Variants in RIMS1 observed in about 807,000 individuals in gnomAD.
RIMS1 encodes regulating synaptic membrane exocytosis 1, also known as regulating synaptic membrane exocytosis protein 1.
Under a neutral mutation model 214.1 loss-of-function variants are expected in RIMS1, and 83 were observed. That is an observed-to-expected ratio of 0.39 (90% confidence interval 0.32 to 0.47). The LOEUF is 0.47. Among genes scored for constraint, RIMS1 ranks in the 20% least tolerant of loss-of-function variants. The pLI is 0.99. For missense variants in RIMS1, 2,050 were observed against 2,161.8 expected, an observed-to-expected ratio of 0.95 and a Z score of 1.03; for synonymous variants, 793 against 786.8, an observed-to-expected ratio of 1.01 and a Z score of -0.13.
At chr6:72,307,218 T>C (rs1353814406) in intron 26 of RIMS1, 40 bp from the exon 27 acceptor site, 9 of 1,327,284 alleles carry the variant, frequency 6.8e-6, no homozygotes, top group Non-Finnish European at 9.6e-6. Flanking sequence ...TGAAAGGTTC[T>C]TCACATGTTT....
chr6:71,979,486 A>G (rs1797972612), intron 2 of RIMS1, among the ~76,000 whole-genome samples: 1 of 152,124 alleles, frequency 6.6e-6, no homozygotes, highest in Non-Finnish European at 1.5e-5. Flanking sequence ...TGTGTATTCC[A>G]TAAAGTAGTA....
chr6:72,142,324 A>G (rs1587959918), intron 4 of RIMS1, among the ~76,000 whole-genome samples: 1 of 151,974 alleles, frequency 6.6e-6, no homozygotes, highest in Non-Finnish European at 1.5e-5. Flanking sequence ...TTAAATGAAA[A>G]CACATTATTT....
chr6:72,033,973 A>C (rs1327406512), intron 2 of RIMS1, among the ~76,000 whole-genome samples: 1 of 152,138 alleles, frequency 6.6e-6, no homozygotes, highest in South Asian at 2.1e-4. Context: ...TTTCTATATA[A>C]GTGATAATTT....
At chr6:72,299,155 A>G (rs1041603307) in intron 26 of RIMS1, among the ~76,000 whole-genome samples, 2 of 151,934 alleles carry the variant, frequency 1.3e-5, no homozygotes, top group African/African-American at 4.8e-5. Flanking sequence ...TCAAAACTGA[A>G]CCAGAAATTA....
At chr6:72,386,075 A>G (rs1355534123) in intron 29 of RIMS1, among the ~76,000 whole-genome samples, 1 of 152,166 alleles carries the variant, frequency 6.6e-6, no homozygotes, top group Non-Finnish European at 1.5e-5. Context: ...AGCCCCTCAA[A>G]TGATATTTTT....
At chr6:72,023,664 A>C (rs1016325852) in intron 2 of RIMS1, among the ~76,000 whole-genome samples, 1 of 152,066 alleles carries the variant, frequency 6.6e-6, no homozygotes, top group African/African-American at 2.4e-5. Context: ...TTTGTAGCTA[A>C]GTCAAGAATT....
intron 6 of RIMS1, among the ~76,000 whole-genome samples, chr6:72,218,490 A>C (rs1466898475): frequency 1.3e-5 from 2 of 152,246 alleles, no homozygotes; most frequent in African/African-American, 4.8e-5. Context: ...ACTGGCAAAA[A>C]TATGAATCAG....
chr6:72,089,415 G>A (rs964607483), intron 2 of RIMS1, among the ~76,000 whole-genome samples: 1 of 151,948 alleles, frequency 6.6e-6, no homozygotes, highest in African/African-American at 2.4e-5. Flanking sequence ...TGATTTCTGC[G>A]GCTTCCTGAT....
chr6:72,401,626 C>T lies in RIMS1; in HGVS notation c.*912C>T, dbSNP rs2098835858. The T allele has an allele frequency of 6.6e-6, 1 of 152,586 alleles. No individual in the cohort carries two copies. The highest frequency in any genetic ancestry group is 1.5e-5 in the Non-Finnish European group (1 of 68,032). 9.5% of individuals were successfully genotyped at this position (152,586 alleles called of 1,614,324 possible). A position where few individuals can be genotyped will look rare whatever the true frequency, so the allele number is the denominator to read the frequency against. The stretch of plus-strand genomic sequence containing the variant: ...TACTTTGAAAACACTCCTTGTAATG[C>T]CTTTTTCTTCCTGATATTAAAAAAA... On this transcript the variant is annotated 3_prime_UTR_variant, in exon 34 of 34. Coordinates refer to ENST00000521978, the MANE Select transcript of RIMS1 (RefSeq NM_014989.7).
intron 16 of RIMS1, among the ~76,000 whole-genome samples, chr6:72,254,844 C>T (rs192445586): frequency 6.6e-6 from 1 of 152,098 alleles, no homozygotes; most frequent in Non-Finnish European, 1.5e-5. Context: ...CTGAAATATA[C>T]CATGTCCCTC....
At position 72,038,612 on chromosome 6, in the gene RIMS1, G is replaced by T. The variant is rs1011588461; in HGVS notation, c.246-58337G>T. On this transcript the variant is annotated intron_variant, in intron 2 of 33. Transcript: ENST00000521978. ...ATGTTTACTTAACCATTTATTAGGG[G>T]TTATGAAGGGGAAAGAATCAAGGTC... Among the ~76,000 whole-genome samples, 7 of 152,084 alleles carry T rather than the reference G, an allele frequency of 4.6e-5. No homozygotes were observed. The East Asian group carries it at 9.6e-4, about 21-fold the overall frequency.
chr6:72,261,490 A>G, intron 19 of RIMS1: 2 of 958,214 alleles, frequency 2.1e-6, no homozygotes, highest in Non-Finnish European at 2.5e-6. Flanking sequence ...TTTCATATCC[A>G]AGTAAAACTT....
intron 27 of RIMS1, 45 bp downstream of exon 27, chr6:72,307,415 T>C (rs1344457547): frequency 1.7e-6 from 2 of 1,208,762 alleles, no homozygotes; most frequent in Admixed American, 4.1e-5. Context: ...TTTAAAAATG[T>C]GTAGTGTGTG....
At chr6:72,138,015 C>T (rs1377880541) in intron 4 of RIMS1, among the ~76,000 whole-genome samples, 2 of 151,954 alleles carry the variant, frequency 1.3e-5, no homozygotes, top group African/African-American at 2.4e-5. Context: ...AGATTACAGG[C>T]GTGAGCCACC....
intron 2 of RIMS1, among the ~76,000 whole-genome samples, chr6:72,027,767 GT>G (rs909696783): frequency 4.0e-5 from 6 of 151,816 alleles, no homozygotes; most frequent in African/African-American, 1.2e-4. Context: ...ATTTTTATGG[GT>G]TTTTTTAATG....
At chr6:72,259,568 C>A (rs2077129598) in intron 18 of RIMS1, among the ~76,000 whole-genome samples, 1 of 152,004 alleles carries the variant, frequency 6.6e-6, no homozygotes, top group South Asian at 2.1e-4. Flanking sequence ...AATAATGTTT[C>A]TGTTATATAC....
At chr6:72,348,878 A>C (rs2097354583) in intron 29 of RIMS1, among the ~76,000 whole-genome samples, 1 of 152,040 alleles carries the variant, frequency 6.6e-6, no homozygotes, top group Admixed American at 6.6e-5. Flanking sequence ...ATGATTGATA[A>C]AGATATTAAT....
chr6:71,933,662 G>A (rs1488795667), intron 1 of RIMS1, among the ~76,000 whole-genome samples: 1 of 145,124 alleles, frequency 6.9e-6, no homozygotes, highest in Non-Finnish European at 1.5e-5. Flanking sequence ...TCATATAAAT[G>A]TCTATCAGCT....
Position 71,906,754 on chromosome 6 carries a change from C to A in RIMS1, c.164+19567C>A, listed in dbSNP as rs77222834. Among the ~76,000 whole-genome samples the A allele has an allele frequency of 2.9e-3, 439 of 152,226 alleles. 5 individuals carry two copies. In the South Asian group the frequency reaches 0.038, roughly 13 times the overall value. On this transcript the variant is annotated intron_variant, in intron 1 of 33. Transcript: ENST00000521978. ...GGTCATTTAAACCCCTCCCAATTGT[C>A]TTATTTGTGAAATGGGGATGGGTGG...
Sources: allele counts gnomAD v4.1 joint callset (sites outside exome capture counted in the v4.1 genomes callset), GRCh38; gene constraint gnomAD v4.1.1; transcripts MANE v1.5; gene names NCBI Gene and HGNC (gene_info 2026-07-23, HGNC 2026-07-21).